Variants in PEBP4 observed in about 807,000 individuals in gnomAD.
PEBP4 encodes phosphatidylethanolamine-binding protein 4.
PEBP4 carries 22 observed loss-of-function variants against 23.9 expected under a neutral mutation model. The observed-to-expected ratio is 0.92, with a 90% CI of 0.66 to 1.31. PEBP4 has a LOEUF of 1.31. Among genes scored for constraint, PEBP4 ranks in the 40% most tolerant of loss-of-function variants. The pLI is 0.00. For missense variants in PEBP4, 324 were observed against 281.7 expected (o/e 1.15, Z -1.07); for synonymous variants, 112 against 99.3 (o/e 1.13, Z -0.76).
At chr8:22,928,971 T>G (rs1434595782), upstream of PEBP4, among the ~76,000 whole-genome samples, 1 of 152,160 alleles carries the variant, frequency 6.6e-6, no homozygotes, top group Non-Finnish European at 1.5e-5. Context: ...GGCTACATAT[T>G]AAACACATTT....
intron 5 of PEBP4, among the ~76,000 whole-genome samples, chr8:22,725,640 G>A (rs1804609171): frequency 1.3e-5 from 2 of 152,132 alleles, no homozygotes; most frequent in Admixed American, 6.5e-5. Flanking sequence ...TGCTGGCCTG[G>A]CCTAGGTCTT....
Position 22,927,600 on chromosome 8 carries a change from C to A in PEBP4, c.115G>T (p.Asp39Tyr). The A allele has an allele frequency of 6.2e-7, 1 of 1,611,736 alleles. No homozygotes were observed. The highest frequency in any genetic ancestry group is 8.5e-7 in the Non-Finnish European group (1 of 1,178,944). The change falls in exon 2 of 7, where the codon GAC becomes TAC. Residue 39 changes from aspartate to tyrosine, a missense_variant. Coordinates refer to ENST00000256404, the MANE Select transcript of PEBP4 (RefSeq NM_144962.3). ...PCAHEALLDE[D>Y]TLFCQGLEVF... ...CTGACTTACTGGCAAAAGAGGGTGT[C>A]CTCGTCCAAGAGGGCCTCATGGGCA...
In PEBP4 at chr8:22,809,330, C is replaced by T. The variant is rs1031113049; in HGVS notation, c.357+8307G>A. ...TGCGTCCACACTGCACTTGGAGCCC[C>T]GGTCCAGGGCTGTGCATGGCTGAGG... On this transcript the variant is annotated intron_variant, in intron 4 of 6. Coordinates refer to ENST00000256404, the MANE Select transcript of PEBP4 (RefSeq NM_144962.3). 6.6e-5 allele frequency among the ~76,000 whole-genome samples: 10 copies of T among 152,108 alleles called. No individual in the cohort carries two copies. In the East Asian group the frequency reaches 7.7e-4, roughly 12 times the overall value.
At chr8:22,738,183 C>T (rs140983105) in intron 4 of PEBP4, among the ~76,000 whole-genome samples, 64 of 152,332 alleles carry the variant, frequency 4.2e-4, no homozygotes, top group Middle Eastern at 3.4e-3. Flanking sequence ...TGATGAGGGG[C>T]ATTAATAGCT....
chr8:22,899,373 C>A (rs1808664632), intron 3 of PEBP4, among the ~76,000 whole-genome samples: 1 of 152,236 alleles, frequency 6.6e-6, no homozygotes, highest in South Asian at 2.1e-4. Context: ...GAATGGCTCT[C>A]ATGTCCCTAT....
intron 4 of PEBP4, chr8:22,754,672 C>G (rs1023319227): frequency 1.3e-5 from 2 of 152,208 alleles, no homozygotes; most frequent in African/African-American, 2.4e-5. Flanking sequence ...CGGTTGGTCT[C>G]CCTCCACATG....
chr8:22,807,543 G>C (rs981662763), intron 4 of PEBP4, among the ~76,000 whole-genome samples: 1 of 152,200 alleles, frequency 6.6e-6, no homozygotes, highest in African/African-American at 2.4e-5. Context: ...TAACAATCTA[G>C]AGACATCTAT....
intron 2 of PEBP4, chr8:22,924,777 T>C: frequency 1.0e-6 from 1 of 985,356 alleles, no homozygotes; most frequent in Non-Finnish European, 1.2e-6. Flanking sequence ...TTCTTTCCAT[T>C]CTGCGACTGA....
In PEBP4 at chr8:22,736,408, C is replaced by G. The variant is rs776643848; in HGVS notation, c.358-9188G>C. Among the ~76,000 whole-genome samples the G allele has an allele frequency of 3.9e-5, 6 of 152,142 alleles. No homozygotes were observed. The South Asian group carries it at 1.2e-3, about 32-fold the overall frequency. ...TTGCTTAGGGCCAGGAGTTGCAGAG[C>G]AGCCTGGCCAGCATAGTGAGACCCC... On this transcript the variant is annotated intron_variant, in intron 4 of 6. Coordinates refer to ENST00000256404, the MANE Select transcript of PEBP4 (RefSeq NM_144962.3).
At position 22,816,587 on chromosome 8, in the gene PEBP4, C is replaced by A. The variant is rs187819352; in HGVS notation, c.357+1050G>T. On this transcript the variant is annotated intron_variant, in intron 4 of 6. Coordinates refer to ENST00000256404, the MANE Select transcript of PEBP4 (RefSeq NM_144962.3). ...TAAGTCATTGGCTCATCATGACAAT[C>A]ACAGCAAGTCAGCAGCACATTTCCC... Among the ~76,000 whole-genome samples, 10 of 152,366 alleles carry A rather than the reference C, an allele frequency of 6.6e-5. No individual in the cohort carries two copies. In the East Asian group the frequency reaches 1.9e-3, roughly 29 times the overall value.
intron 6 of PEBP4, 120 bp downstream of exon 6, chr8:22,724,722 AC>A: frequency 1.4e-6 from 1 of 716,168 alleles, no homozygotes; most frequent in Non-Finnish European, 2.4e-6. Flanking sequence ...CCAGCCTTCG[AC>A]CCCAGTCTCC....
At chr8:22,714,991 C>G (rs988285190) in intron 6 of PEBP4, among the ~76,000 whole-genome samples, 1 of 152,206 alleles carries the variant, frequency 6.6e-6, no homozygotes, top group African/African-American at 2.4e-5. Flanking sequence ...ATCCTCACAC[C>G]AATCCCAAAA....
intron 3 of PEBP4, among the ~76,000 whole-genome samples, chr8:22,818,717 C>T (rs937289225): frequency 3.9e-5 from 6 of 152,074 alleles, no homozygotes; most frequent in African/African-American, 9.7e-5. Flanking sequence ...AGAGAGGAGG[C>T]CAGGAGGCCA....
intron 4 of PEBP4, among the ~76,000 whole-genome samples, chr8:22,798,909 T>C (rs1164465145): frequency 1.3e-5 from 2 of 148,558 alleles, no homozygotes; most frequent in Non-Finnish European, 2.9e-5. Context: ...GGCTAATTTG[T>C]TTATTTTTAG....
At chr8:22,717,929 C>A (rs539156018) in intron 6 of PEBP4, among the ~76,000 whole-genome samples, 1 of 152,104 alleles carries the variant, frequency 6.6e-6, no homozygotes. Flanking sequence ...ACCTTTCTGC[C>A]GAGATTAATG....
intron 4 of PEBP4, among the ~76,000 whole-genome samples, chr8:22,753,207 A>C (rs558169830): frequency 6.6e-6 from 1 of 152,322 alleles, no homozygotes; most frequent in South Asian, 2.1e-4. Context: ...AGGAGTGTTC[A>C]TTCCATGGGA....
chr8:22,776,493 G>C (rs1288628150), intron 4 of PEBP4, among the ~76,000 whole-genome samples: 1 of 151,904 alleles, frequency 6.6e-6, no homozygotes. Flanking sequence ...TTACGCCATC[G>C]GTCTTGCTCT....
At chr8:22,883,707 G>A (rs370922885) in intron 3 of PEBP4, among the ~76,000 whole-genome samples, 1 of 152,128 alleles carries the variant, frequency 6.6e-6, no homozygotes, top group African/African-American at 2.4e-5. Flanking sequence ...AGGCTGAGTT[G>A]CTGCTCACTC....
chr8:22,825,044 C>T (rs915631301), intron 3 of PEBP4, among the ~76,000 whole-genome samples: 2 of 152,194 alleles, frequency 1.3e-5, no homozygotes, highest in South Asian at 2.1e-4. Context: ...CCAGAAGAGA[C>T]GTTTTCAAAG....
Sources: gnomAD v4.1 joint callset for allele counts (sites outside exome capture counted in the v4.1 genomes callset) on GRCh38, gnomAD v4.1.1 for gene constraint, MANE v1.5 for transcripts, NCBI Gene and HGNC (gene_info 2026-07-23, HGNC 2026-07-21) for gene names.